EPHA2: variants seen among roughly 807,000 people sequenced by gnomAD.
EPHA2 encodes EPH receptor A2, also known as ephrin type-A receptor 2.
Under a neutral mutation model 104.9 loss-of-function variants are expected in EPHA2, and 54 were observed. That is an observed-to-expected ratio of 0.51 (90% CI 0.41 to 0.65). The LOEUF (loss-of-function observed/expected upper bound fraction) is 0.65. Ranked by LOEUF, EPHA2 falls within the 30% of genes least tolerant of loss-of-function variation. EPHA2 has a pLI of 0.00. For synonymous variants in EPHA2, 560 were observed against 559.1 expected, an observed-to-expected ratio of 1.00 and a Z score of -0.02; for missense variants, 1,117 against 1,369.5, an observed-to-expected ratio of 0.82 and a Z score of 2.91.
intron 3 of EPHA2, among the ~76,000 whole-genome samples, chr1:16,146,939 AG>A (rs1437834271): frequency 6.6e-6 from 1 of 152,216 alleles, no homozygotes; most frequent in African/African-American, 2.4e-5. Context: ...GAGTTAGCCA[AG>A]GTGTGTGCAA....
At chr1:16,138,899 T>C (rs1569578788) in intron 3 of EPHA2, among the ~76,000 whole-genome samples, 1 of 152,188 alleles carries the variant, frequency 6.6e-6, no homozygotes, top group Admixed American at 6.5e-5. Context: ...TGTGTGTTTG[T>C]TGACTGTCAC....
At chr1:16,137,776 G>A (rs899799577) in intron 5 of EPHA2, 77 bp downstream of exon 5, 24 of 1,560,042 alleles carry the variant, frequency 1.5e-5, no homozygotes, top group South Asian at 4.5e-5. Context: ...AAACACACCC[G>A]AGCCCCAGAT....
chr1:16,133,737 C>G, intron 9 of EPHA2, 123 bp downstream of exon 9: 1 of 1,494,178 alleles, frequency 6.7e-7, no homozygotes, highest in South Asian at 1.3e-5. Context: ...CCCCTCAGAG[C>G]TGCCCACGGA....
chr1:16,137,135 A>C (rs1235791059), intron 5 of EPHA2, among the ~76,000 whole-genome samples: 1 of 152,082 alleles, frequency 6.6e-6, no homozygotes, highest in South Asian at 2.1e-4. Context: ...TACAGGGGAG[A>C]ACATTGAGGC....
intron 1 of EPHA2, among the ~76,000 whole-genome samples, chr1:16,152,877 C>G (rs1038583259): frequency 3.9e-5 from 6 of 152,194 alleles, no homozygotes; most frequent in Non-Finnish European, 8.8e-5. Context: ...GGGTTTCCAA[C>G]CCCGGCCCCC....
rs779189299 is a variant in EPHA2, at chr1:16,135,209, G to A, written c.1429-20C>T. ...GTCTCCCTGTGGGTGGGTGGCCGGC[G>A]GAGGAGCAGGCAGTGAGGGCAGGGC... On this transcript the variant is annotated intron_variant, in intron 6 of 16. Transcript: ENST00000358432. This position sits in a 1 kb window ranked among gnomAD's most constrained non-coding sequence, Gnocchi z 4.3. The A allele has an allele frequency of 4.0e-5, 64 of 1,612,926 alleles. No homozygotes were observed. Among genetic ancestry groups the A allele is most frequent in the Non-Finnish European group, 3.0e-5 (35 of 1,179,864 alleles).
intron 5 of EPHA2, among the ~76,000 whole-genome samples, chr1:16,136,059 T>A (rs1414045440): frequency 6.6e-6 from 1 of 151,958 alleles, no homozygotes; most frequent in Non-Finnish European, 1.5e-5. Context: ...TTTGTAGAGA[T>A]GGGGTCTCCC....
rs2025011674 is a variant in EPHA2, at chr1:16,150,334, C to CTT, written c.153+561_153+562insAA. Reference sequence around the variant, plus strand: ...CACAGCCAGGGGAAGAACCCCCAGCCCCTGCCCCCATTCCTGGTCACATCA... The same window carrying CTT: ...CACAGCCAGGGGAAGAACCCCCAGCCTTCCTGCCCCCATTCCTGGTCACATCA... On this transcript the variant is annotated intron_variant, in intron 2 of 16. Transcript: ENST00000358432. The surrounding 1 kb of genome is among the most constrained non-coding windows in gnomAD (Gnocchi z 4.8). Among the ~76,000 whole-genome samples the CTT allele has an allele frequency of 6.6e-6, 1 of 152,210 alleles. No homozygotes were observed. Among genetic ancestry groups the CTT allele is most frequent in the Non-Finnish European group, 1.5e-5 (1 of 68,042 alleles).
At chr1:16,136,524 C>T (rs992571687) in intron 5 of EPHA2, among the ~76,000 whole-genome samples, 1 of 149,868 alleles carries the variant, frequency 6.7e-6, no homozygotes, top group Non-Finnish European at 1.5e-5. Flanking sequence ...GAGGCTGAGG[C>T]AGGAGAATCA....
intron 3 of EPHA2, among the ~76,000 whole-genome samples, chr1:16,144,496 C>G (rs2024889580): frequency 6.6e-6 from 1 of 152,174 alleles, no homozygotes; most frequent in Non-Finnish European, 1.5e-5. Flanking sequence ...ACAGACATAC[C>G]CTGGCCAGGG....
At chr1:16,152,576 C>T (rs746087257) in intron 1 of EPHA2, among the ~76,000 whole-genome samples, 1 of 152,144 alleles carries the variant, frequency 6.6e-6, no homozygotes, top group Non-Finnish European at 1.5e-5. Flanking sequence ...ACTCACTAAC[C>T]CCACTAGCAA....
At chr1:16,153,198 T>C in intron 1 of EPHA2, 1 of 985,012 alleles carries the variant, frequency 1.0e-6, no homozygotes, top group East Asian at 1.1e-4. Context: ...TCTTTGTGGG[T>C]CCACATTGCT....
intron 3 of EPHA2, among the ~76,000 whole-genome samples, chr1:16,141,692 G>A (rs971882999): frequency 1.3e-5 from 2 of 152,270 alleles, no homozygotes; most frequent in African/African-American, 2.4e-5. Context: ...ACTCCCCACC[G>A]TGTGGCTGCT....
chr1:16,132,538 TG>T (rs1446179016), intron 11 of EPHA2, 99 bp from the exon 12 acceptor site: 7 of 1,257,938 alleles, frequency 5.6e-6, no homozygotes, highest in Admixed American at 3.8e-5. Context: ...GTAGGAGAGG[TG>T]GGCACAGGTG....
rs2024685825 is a variant in EPHA2 at position 16,136,447 on chromosome 1, C to T, written c.1313-677G>A. ...CCAGCCTGACCAACATGGAGAAACCCCGTCTCTACTAAAAATACAAAATTA... is the reference window on the plus strand; with the variant it reads ...CCAGCCTGACCAACATGGAGAAACCTCGTCTCTACTAAAAATACAAAATTA... On this transcript the variant is annotated intron_variant, in intron 5 of 16. Transcript: ENST00000358432. Among the ~76,000 whole-genome samples, 25 of 151,130 alleles carry T rather than the reference C, an allele frequency of 1.7e-4. 1 individual carries two copies. Among genetic ancestry groups the T allele is most frequent in the Admixed American group, 1.6e-3 (25 of 15,174 alleles).
intron 3 of EPHA2, among the ~76,000 whole-genome samples, chr1:16,146,011 G>C (rs1003379665): frequency 6.6e-6 from 1 of 152,196 alleles, no homozygotes; most frequent in Non-Finnish European, 1.5e-5. Context: ...CTGCCCCTCG[G>C]ACGACACCCG....
Position 16,125,727 on chromosome 1 carries a change from A to G in EPHA2, c.2826-407T>C, listed in dbSNP as rs1338371909. Among the ~76,000 whole-genome samples the G allele has an allele frequency of 6.6e-6, 1 of 152,154 alleles. No homozygotes were observed. The highest frequency in any genetic ancestry group is 1.5e-5 in the Non-Finnish European group (1 of 68,012). ...CTGAAGTCACACAGCTAGGAGGTGG[A>G]AGAGCTGGGAATCAAACCAGCTATG... On this transcript the variant is annotated intron_variant, in intron 16 of 16. Transcript: ENST00000358432. This position sits in a 1 kb window ranked among gnomAD's most constrained non-coding sequence, Gnocchi z 4.9.
intron 1 of EPHA2, among the ~76,000 whole-genome samples, chr1:16,154,848 C>T (rs554528775): frequency 6.6e-6 from 1 of 152,098 alleles, no homozygotes; most frequent in African/African-American, 2.4e-5. Flanking sequence ...GGAAACCTCG[C>T]TCTGCCCAGG....
In EPHA2 at chr1:16,145,169, G is replaced by T. The variant is rs1569594845; in HGVS notation, c.823+3209C>A. On this transcript the variant is annotated intron_variant, in intron 3 of 16. Coordinates refer to ENST00000358432, the MANE Select transcript of EPHA2 (RefSeq NM_004431.5). Reference sequence around the variant, plus strand: ...CCCCAGGGCTGAGGCGCCAGCAGGGGCCCCGCCAGCTGCTGAGGCCAGCAC... The same window carrying T: ...CCCCAGGGCTGAGGCGCCAGCAGGGTCCCCGCCAGCTGCTGAGGCCAGCAC... 2.6e-5 allele frequency among the ~76,000 whole-genome samples: 4 copies of T among 152,266 alleles called. No individual in the cohort carries two copies. The South Asian group carries it at 8.3e-4, about 32-fold the overall frequency.
Sources: gnomAD v4.1 joint callset for allele counts (sites outside exome capture counted in the v4.1 genomes callset) on GRCh38, gnomAD v4.1.1 for gene constraint, Gnocchi (gnomAD v3.1) non-coding constraint, MANE v1.5 for transcripts, NCBI Gene and HGNC (gene_info 2026-07-23, HGNC 2026-07-21) for gene names.